DPP6: variants seen among roughly 807,000 people sequenced by gnomAD.
DPP6 encodes the protein dipeptidyl peptidase like 6.
In DPP6, 69 loss-of-function variants were observed where a neutral mutation model predicts 122.6. That is an observed-to-expected ratio of 0.56 (90% CI 0.46 to 0.69). The LOEUF (loss-of-function observed/expected upper bound fraction) is 0.69, where lower values mean the gene tolerates loss of function less well. Among genes scored for constraint, DPP6 ranks in the 30% least tolerant of loss-of-function variants. DPP6 has a pLI of 0.00. For missense variants in DPP6, 928 were observed against 1,116.9 expected, an observed-to-expected ratio of 0.83 and a Z score of 2.41; for synonymous variants, 418 against 433.1, an observed-to-expected ratio of 0.97 and a Z score of 0.43.
chr7:154,472,460 CAA>C (rs1822362470), intron 2 of DPP6, among the ~76,000 whole-genome samples: 1 of 18,284 alleles, frequency 5.5e-5, no homozygotes, highest in Non-Finnish European at 3.4e-4. Flanking sequence ...CTCCTGGAAT[CAA>C]TCCCTCCCAC....
At chr7:153,809,391 G>A in the DPP6 span, among the ~76,000 whole-genome samples, 7 of 151,690 alleles carry the variant, frequency 4.6e-5, no homozygotes, top group Admixed American at 6.6e-5. Context: ...GCTCATCCCT[G>A]TGACCCAGCG....
At chr7:154,011,879 A>G (rs1315629849) in intron 1 of DPP6, among the ~76,000 whole-genome samples, 2 of 152,212 alleles carry the variant, frequency 1.3e-5, no homozygotes, top group Non-Finnish European at 2.9e-5. Flanking sequence ...CATTCCTACT[A>G]TCACAGAACT....
At chr7:154,814,317 G>A (rs996463139) in intron 16 of DPP6, among the ~76,000 whole-genome samples, 1 of 152,018 alleles carries the variant, frequency 6.6e-6, no homozygotes, top group Non-Finnish European at 1.5e-5. Flanking sequence ...ACATTTCCAT[G>A]CTTTTGTCTT....
At position 154,259,659 on chromosome 7, in the gene DPP6, G is replaced by GT. The variant is rs141008066; in HGVS notation, c.244-186549dup. 5.9e-3 allele frequency among the ~76,000 whole-genome samples: 896 copies of GT among 152,264 alleles called. 4 individuals carry two copies. The highest frequency in any genetic ancestry group is 8.3e-3 in the Non-Finnish European group (567 of 68,010). On this transcript the variant is annotated intron_variant, in intron 1 of 25. Transcript: ENST00000377770. ...ACTGGAATGTCACTGCAAAGGAGGT[G>GT]TTTTTTAATGTTTGGGTGTAAATCA...
chr7:153,842,705 C>T, the DPP6 span, among the ~76,000 whole-genome samples: 1 of 151,944 alleles, frequency 6.6e-6, no homozygotes, highest in Non-Finnish European at 1.5e-5. Flanking sequence ...ATCACAAAAC[C>T]TTTTGAAGTA....
At chr7:153,851,384 C>G in the DPP6 span, among the ~76,000 whole-genome samples, 3 of 152,000 alleles carry the variant, frequency 2.0e-5, no homozygotes, top group Non-Finnish European at 2.9e-5. Context: ...TGGATGGTAC[C>G]CTGATTAAGT....
intron 1 of DPP6, among the ~76,000 whole-genome samples, chr7:154,301,690 G>A (rs1187003604): frequency 1.3e-5 from 2 of 149,524 alleles, no homozygotes; most frequent in South Asian, 2.1e-4. Context: ...TAAGTACAAT[G>A]TTTGTTCTCT....
intron 12 of DPP6, among the ~76,000 whole-genome samples, chr7:154,800,517 A>G (rs1235846267): frequency 6.6e-6 from 1 of 152,236 alleles, no homozygotes; most frequent in African/African-American, 2.4e-5. Flanking sequence ...CATCAAAGCA[A>G]CAGCCACCCT....
chr7:154,834,486 CAAAAACAAA>C (rs1265071658), intron 16 of DPP6, among the ~76,000 whole-genome samples: 1 of 7,128 alleles, frequency 1.4e-4, no homozygotes, highest in East Asian at 0.021. Context: ...CAAAGAAAAA[CAAAAACAAA>C]AACAAAAACA....
At chr7:153,795,852 T>G in the DPP6 span, among the ~76,000 whole-genome samples, 5 of 149,714 alleles carry the variant, frequency 3.3e-5, no homozygotes, top group Admixed American at 3.3e-4. Flanking sequence ...TTGATTGCAT[T>G]TTTTGTTTCT....
intron 1 of DPP6, among the ~76,000 whole-genome samples, chr7:153,902,671 C>A (rs540861130): frequency 1.3e-3 from 198 of 152,086 alleles, no homozygotes; most frequent in African/African-American, 4.5e-3. Flanking sequence ...CCTGTCTCTA[C>A]TAAAAATACA....
intron 1 of DPP6, among the ~76,000 whole-genome samples, chr7:154,227,261 A>G (rs942392579): frequency 8.3e-5 from 5 of 60,294 alleles, no homozygotes; most frequent in Non-Finnish European, 2.0e-4. Context: ...TGTTAAAAAA[A>G]GAAGGAAATT....
At chr7:153,767,317 A>C in the DPP6 span, among the ~76,000 whole-genome samples, 1 of 152,302 alleles carries the variant, frequency 6.6e-6, no homozygotes, top group East Asian at 1.9e-4. Context: ...TAAGGACAGA[A>C]CATTCAAATC....
rs765208553 is a variant in DPP6 at position 154,684,685 on chromosome 7, T to A, written c.762+15244T>A. 6.6e-5 allele frequency among the ~76,000 whole-genome samples: 10 copies of A among 152,182 alleles called. 1 individual carries two copies. Among genetic ancestry groups the A allele is most frequent in the South Asian group, 6.2e-4 (3 of 4,826 alleles). ...CCGTGTTCAAACCCAGGCTCACCAG[T>A]TTCTAGTTACCCTTCAGATAAAAAG... On this transcript the variant is annotated intron_variant, in intron 7 of 25. Coordinates refer to ENST00000377770, the MANE Select transcript of DPP6 (RefSeq NM_130797.4).
At chr7:154,256,392 C>T (rs1802662117) in intron 1 of DPP6, among the ~76,000 whole-genome samples, 1 of 152,218 alleles carries the variant, frequency 6.6e-6, no homozygotes, top group Non-Finnish European at 1.5e-5. Context: ...CCTTTTATCA[C>T]AGCTGTGGAA....
chr7:154,786,417 C>T (rs1343319045), intron 10 of DPP6, among the ~76,000 whole-genome samples: 1 of 152,118 alleles, frequency 6.6e-6, no homozygotes, highest in Non-Finnish European at 1.5e-5. Context: ...CCCCAAGTGT[C>T]GTGGGAGGGA....
intron 7 of DPP6, among the ~76,000 whole-genome samples, chr7:154,711,947 C>CACACACACACACA (rs1554443055): frequency 1.2e-4 from 18 of 150,192 alleles, no homozygotes; most frequent in African/African-American, 4.2e-4. Context: ...AATACACACA[C>CACACACACACACA]ACACACACAC....
chr7:154,158,797 TGGAGC>T (rs1363986259), intron 1 of DPP6, among the ~76,000 whole-genome samples: 1 of 152,092 alleles, frequency 6.6e-6, no homozygotes, highest in Non-Finnish European at 1.5e-5. Context: ...GACTTTTCTC[TGGAGC>T]CCCCTCATTT....
At chr7:154,752,973 G>T (rs1032326209) in intron 8 of DPP6, among the ~76,000 whole-genome samples, 1 of 152,092 alleles carries the variant, frequency 6.6e-6, no homozygotes, top group Non-Finnish European at 1.5e-5. Context: ...CCTGTGCGGG[G>T]CTGTTTGTCC....
Sources: allele counts gnomAD v4.1 joint callset (sites outside exome capture counted in the v4.1 genomes callset), GRCh38; gene constraint gnomAD v4.1.1; transcripts MANE v1.5; gene names NCBI Gene and HGNC (gene_info 2026-07-23, HGNC 2026-07-21).